IL27RA: variants seen among roughly 807,000 people sequenced by gnomAD.
The protein encoded by IL27RA is interleukin 27 receptor subunit alpha.
In IL27RA, 61 loss-of-function variants were observed where a neutral mutation model predicts 80.8. The ratio of observed to expected loss-of-function variants is 0.76; its 90% CI spans 0.61 to 0.93. IL27RA has a LOEUF of 0.93. IL27RA is among the 40% of genes least tolerant of loss of function. IL27RA has a pLI of 0.00. For missense variants in IL27RA, 735 were observed against 808.1 expected, an observed-to-expected ratio of 0.91 and a Z score of 1.10; for synonymous variants, 316 against 332.5, an observed-to-expected ratio of 0.95 and a Z score of 0.54.
chr19:14,050,511 C>CAAAAAAAAAAAA (rs34034204), intron 10 of IL27RA, among the ~76,000 whole-genome samples: 1 of 99,968 alleles, frequency 1.0e-5, no homozygotes, highest in Non-Finnish European at 2.1e-5. Context: ...GACTTCATGT[C>CAAAAAAAAAAAA]AAAAAAAAAA....
chr19:14,034,188 A>G (rs772251007), intron 2 of IL27RA, among the ~76,000 whole-genome samples: 3 of 152,146 alleles, frequency 2.0e-5, no homozygotes, highest in Non-Finnish European at 4.4e-5. Context: ...TGAAAGAGGT[A>G]GACAGAAAGC....
intron 1 of IL27RA, 92 bp from the exon 2 acceptor site, chr19:14,032,294 C>T: frequency 1.0e-6 from 1 of 987,484 alleles, no homozygotes; most frequent in Non-Finnish European, 1.5e-6. Flanking sequence ...GCCCCCCCAC[C>T]TTGCAATTGT....
chr19:14,045,056 G>A (rs556631704), intron 6 of IL27RA, among the ~76,000 whole-genome samples: 23 of 150,386 alleles, frequency 1.5e-4, no homozygotes, highest in African/African-American at 4.9e-4. Flanking sequence ...ACCCGGGGAG[G>A]TTGCAGTGAG....
intron 8 of IL27RA, among the ~76,000 whole-genome samples, chr19:14,047,238 C>T (rs532274384): frequency 6.8e-6 from 1 of 146,060 alleles, no homozygotes; most frequent in Non-Finnish European, 1.5e-5. Context: ...TAAGTAGAGA[C>T]GGGGTTTCAC....
rs150000230 is a variant in IL27RA at position 14,039,549 on chromosome 19, G to A, written c.260G>A (p.Arg87Gln). 9.9e-6 allele frequency: 16 copies of A among 1,614,128 alleles called. No homozygotes were observed. Among genetic ancestry groups the A allele is most frequent in the East Asian group, 2.2e-5 (1 of 44,882 alleles). Residue 87 changes from arginine (R) to glutamine (Q), a missense_variant, in exon 3 of 14, where the codon CGG (arginine) becomes CAG (glutamine). By Grantham distance (43) the Arg-to-Gln change is conservative. Transcript: ENST00000263379. The stretch of plus-strand genomic sequence containing the variant: ...CAGACTGTGGCAGTGGCAGCCGGAC[G>A]GAGCTGGGTGGCCATTCCTCGGGAA... ...KTQTVAVAAGRSWVAIPREQL... is the reference protein window; with the variant it reads ...KTQTVAVAAGQSWVAIPREQL...
Position 14,046,518 on chromosome 19 carries a change from A to G in IL27RA, c.1041A>G (p.Glu347=), listed in dbSNP as rs199532687. Residue 347 remains glutamate, a synonymous_variant, in exon 8 of 14, where the codon GAA becomes GAG. Coordinates refer to ENST00000263379, the MANE Select transcript of IL27RA (RefSeq NM_004843.4). ...LLVTWQPGPG[E]PLEHVVDWAR... Reference sequence around the variant, plus strand: ...TGACCTGGCAACCGGGGCCTGGGGAACCACTGGAGCATGTAGTGGACTGGG... The same window carrying G: ...TGACCTGGCAACCGGGGCCTGGGGAGCCACTGGAGCATGTAGTGGACTGGG... The G allele has an allele frequency of 5.0e-6, 8 of 1,613,940 alleles. No individual in the cohort carries two copies. In the Admixed American group the frequency reaches 1.3e-4, roughly 27 times the overall value.
chr19:14,036,270 C>T (rs1440627786), intron 2 of IL27RA, among the ~76,000 whole-genome samples: 1 of 152,016 alleles, frequency 6.6e-6, no homozygotes, highest in Admixed American at 6.6e-5. Context: ...AATGGAATTA[C>T]AGGTGCTACT....
rs754935720 is a variant in IL27RA, at chr19:14,031,917, C to A, written c.45C>A (p.Pro15=). ...CCCCTTTCTGGCTGTGGCCGCTGCC[C>A]AAGCTGGCGCTGCTGCCTCTGTTGT... ...RGAPFWLWPL[P]KLALLPLLWV... Residue 15 remains proline, a synonymous_variant, in exon 1 of 14, where the codon CCC becomes CCA. Transcript: ENST00000263379. 1.2e-6 allele frequency: 2 copies of A among 1,608,176 alleles called. No homozygotes were observed. The highest frequency in any genetic ancestry group is 8.5e-7 in the Non-Finnish European group (1 of 1,177,826).
chr19:14,044,958 C>T (rs1259365393), intron 6 of IL27RA, among the ~76,000 whole-genome samples: 1 of 151,352 alleles, frequency 6.6e-6, no homozygotes. Flanking sequence ...ACCCCCATCT[C>T]TACTAAAAAT....
At chr19:14,033,813 A>T (rs1975857173) in intron 2 of IL27RA, among the ~76,000 whole-genome samples, 1 of 151,892 alleles carries the variant, frequency 6.6e-6, no homozygotes, top group Non-Finnish European at 1.5e-5. Flanking sequence ...AAAAATACAA[A>T]GATTAGCCGA....
Position 14,049,095 on chromosome 19 carries a change from C to T in IL27RA, c.1243+13C>T, listed in dbSNP as rs1568503653. Reference sequence around the variant, plus strand: ...AGGGAGGAATTAGGTAAGAGTGGGGCTGGAGGATGGGGGGGCTTCTGTAAC... The same window carrying T: ...AGGGAGGAATTAGGTAAGAGTGGGGTTGGAGGATGGGGGGGCTTCTGTAAC... On this transcript the variant is annotated intron_variant, in intron 9 of 13. Transcript: ENST00000263379. 3 of 1,612,890 alleles carry T rather than the reference C, an allele frequency of 1.9e-6. No homozygotes were observed. Among genetic ancestry groups the T allele is most frequent in the Non-Finnish European group, 2.5e-6 (3 of 1,179,352 alleles).
chr19:14,050,891 G>T lies in IL27RA; in HGVS notation c.1528+8G>T. 2 of 1,602,104 alleles carry T rather than the reference G, an allele frequency of 1.2e-6. No homozygotes were observed. The highest frequency in any genetic ancestry group is 1.3e-5 in the African/African-American group (1 of 74,820). On this transcript the variant is annotated splice_region_variant and intron_variant, in intron 11 of 13. Coordinates refer to ENST00000263379, the MANE Select transcript of IL27RA (RefSeq NM_004843.4). ...TCCGGCTTCATCTACCAGGTAGGGGGGTTGGGATGGGATTGCCACAGGGAG... is the reference window on the plus strand; with the variant it reads ...TCCGGCTTCATCTACCAGGTAGGGGTGTTGGGATGGGATTGCCACAGGGAG...
chr19:14,051,971 G>A lies in IL27RA; in HGVS notation c.1714G>A (p.Glu572Lys). Residue 572 changes from glutamate (E) to lysine (K), a missense_variant and splice_region_variant, in exon 13 of 14, where the codon GAG (glutamate) becomes AAG (lysine). By Grantham distance (56) the Glu-to-Lys change is moderately conservative. Coordinates refer to ENST00000263379, the MANE Select transcript of IL27RA (RefSeq NM_004843.4). ...CAGCAGTTCAGGCCAGCCCCACATGGAGGTGAGTCAAAGGGCCGGCTAGTC... is the reference window on the plus strand; with the variant it reads ...CAGCAGTTCAGGCCAGCCCCACATGAAGGTGAGTCAAAGGGCCGGCTAGTC... ...ANSSSGQPHM[E>K]QVPEAQPLGD... is the part of the protein sequence containing the mutation. The A allele has an allele frequency of 6.3e-7, 1 of 1,584,536 alleles. No homozygotes were observed. Among genetic ancestry groups the A allele is most frequent in the South Asian group, 1.1e-5 (1 of 87,466 alleles).
intron 11 of IL27RA, among the ~76,000 whole-genome samples, chr19:14,051,405 C>T (rs992066347): frequency 2.6e-5 from 4 of 151,430 alleles, no homozygotes; most frequent in Non-Finnish European, 5.9e-5. Flanking sequence ...ATTAGCTGGG[C>T]GTGGTGGCGT....
rs768878630 is a variant in IL27RA at position 14,049,301 on chromosome 19, C to T, written c.1389C>T (p.Ser463=). The T allele has an allele frequency of 1.3e-5, 21 of 1,613,340 alleles. No individual in the cohort carries two copies. The Admixed American group carries it at 1.5e-4, about 12-fold the overall frequency. Residue 463 remains serine (S), a synonymous_variant, in exon 10 of 14, where the codon TCC becomes TCT. Transcript: ENST00000263379. The stretch of plus-strand genomic sequence containing the variant: ...GTGCACAGAGTGGAACCAGCCCCTC[C>T]GTCTGCATGAATGGTGAGCTTCCCT... ...TLCAQSGTSP[S]VCMNVSGNTQ... is the part of the protein sequence containing the mutation.
intron 1 of IL27RA, 76 bp from the exon 2 acceptor site, chr19:14,032,309 AG>A: frequency 1.8e-6 from 2 of 1,122,364 alleles, no homozygotes; most frequent in African/African-American, 3.1e-5. Context: ...AATTGTCAGA[AG>A]TCCAAGTTCT....
At chr19:14,042,073 C>T (rs970436308) in intron 4 of IL27RA, among the ~76,000 whole-genome samples, 2 of 152,110 alleles carry the variant, frequency 1.3e-5, no homozygotes, top group Admixed American at 1.3e-4. Context: ...GTGGCGCGTG[C>T]CTGTAATCCC....
At chr19:14,033,199 C>T (rs943817820) in intron 2 of IL27RA, among the ~76,000 whole-genome samples, 1 of 148,482 alleles carries the variant, frequency 6.7e-6, no homozygotes, top group East Asian at 2.1e-4. Flanking sequence ...TGGGTTCAAG[C>T]GATTCTCCTG....
chr19:14,044,010 T>TGCACTCCA (rs1976028039), intron 6 of IL27RA, among the ~76,000 whole-genome samples: 1 of 139,786 alleles, frequency 7.2e-6, no homozygotes, highest in African/African-American at 2.8e-5. Flanking sequence ...CTCGAGCCAC[T>TGCACTCCA]GCACTCCAGT....
Sources: gnomAD v4.1 joint callset for allele counts (sites outside exome capture counted in the v4.1 genomes callset) on GRCh38, gnomAD v4.1.1 for gene constraint, MANE v1.5 for transcripts, NCBI Gene and HGNC (gene_info 2026-07-23, HGNC 2026-07-21) for gene names.